Variants in XRRA1 observed in about 807,000 individuals in gnomAD.
The protein encoded by XRRA1 is X-ray radiation resistance associated 1.
XRRA1 carries 69 observed loss-of-function variants against 80.2 expected under a neutral mutation model. That is an observed-to-expected ratio of 0.86 (90% confidence interval 0.71 to 1.05). The LOEUF (loss-of-function observed/expected upper bound fraction) is 1.05. XRRA1 is among the 50% of genes least tolerant of loss of function. XRRA1 has a pLI of 0.00. For synonymous variants in XRRA1, 348 were observed against 389.9 expected (o/e 0.89, Z 1.27); for missense variants, 967 against 976.4 (o/e 0.99, Z 0.13).
chr11:74,928,919 C>A (rs1190438091), intron 6 of XRRA1, among the ~76,000 whole-genome samples: 1 of 152,136 alleles, frequency 6.6e-6, no homozygotes, highest in Non-Finnish European at 1.5e-5. Flanking sequence ...ATCTCCCTAC[C>A]AATGCTGGCT....
At chr11:74,922,143 G>A (rs1302620570) in intron 7 of XRRA1, among the ~76,000 whole-genome samples, 1 of 151,052 alleles carries the variant, frequency 6.6e-6, no homozygotes, top group African/African-American at 2.4e-5. Flanking sequence ...TGTAGTGCCA[G>A]CTACTCAGGA....
intron 10 of XRRA1, chr11:74,876,801 A>G (rs1050821021): frequency 1.9e-4 from 29 of 152,228 alleles, no homozygotes; most frequent in African/African-American, 7.0e-4. Context: ...AGTAAGGGCT[A>G]TTCATCCTAC....
chr11:74,868,741 A>T (rs545474952), intron 10 of XRRA1, among the ~76,000 whole-genome samples: 6 of 146,000 alleles, frequency 4.1e-5, no homozygotes, highest in South Asian at 4.3e-4. Context: ...AACAAAGATT[A>T]AAAAAAAAAA....
At chr11:74,864,889 G>A (rs1053062359) in intron 10 of XRRA1, among the ~76,000 whole-genome samples, 1 of 152,224 alleles carries the variant, frequency 6.6e-6, no homozygotes, top group Non-Finnish European at 1.5e-5. Context: ...AGGGGACCCA[G>A]TTTGAGACCT....
At chr11:74,857,889 G>A (rs956193615) in intron 12 of XRRA1, among the ~76,000 whole-genome samples, 1 of 152,208 alleles carries the variant, frequency 6.6e-6, no homozygotes, top group African/African-American at 2.4e-5. Context: ...AGGAAAAAGT[G>A]AAAATATTTT....
intron 4 of XRRA1, 51 bp downstream of exon 4, chr11:74,936,833 C>T: frequency 6.4e-7 from 1 of 1,555,522 alleles, no homozygotes; most frequent in Non-Finnish European, 8.7e-7. Flanking sequence ...TCCCCACTTC[C>T]TCCCCACCCT....
At chr11:74,892,685 C>T (rs1371132249) in intron 10 of XRRA1, among the ~76,000 whole-genome samples, 1 of 152,118 alleles carries the variant, frequency 6.6e-6, no homozygotes, top group Non-Finnish European at 1.5e-5. Context: ...CCAGAATCTA[C>T]AATGAACTCA....
At chr11:74,864,756 C>A (rs2043032243) in intron 10 of XRRA1, among the ~76,000 whole-genome samples, 1 of 152,214 alleles carries the variant, frequency 6.6e-6, no homozygotes, top group Admixed American at 6.5e-5. Flanking sequence ...CTGATCCACC[C>A]CCTCTCAGCT....
intron 8 of XRRA1, among the ~76,000 whole-genome samples, chr11:74,911,593 G>T (rs1210509509): frequency 6.6e-6 from 1 of 152,096 alleles, no homozygotes; most frequent in Non-Finnish European, 1.5e-5. Flanking sequence ...CTTTTGTAGA[G>T]ATGGGGTCTT....
chr11:74,864,534 T>C (rs142263841), intron 10 of XRRA1, among the ~76,000 whole-genome samples: 25 of 152,312 alleles, frequency 1.6e-4, no homozygotes, highest in African/African-American at 5.8e-4. Context: ...AACACCCAAG[T>C]GGCTGATCCA....
chr11:74,843,151 G>T lies in XRRA1; in HGVS notation c.*49C>A. ...CGGTCCAGGGCACAGAGCCCTCGGG[G>T]AGAGCTGGGGCACAGGCCGGGTGGT... On this transcript the variant is annotated 3_prime_UTR_variant, in exon 19 of 19. Coordinates refer to ENST00000684022, the MANE Select transcript of XRRA1 (RefSeq NM_001378157.1). 4 of 1,513,908 alleles carry T rather than the reference G, an allele frequency of 2.6e-6. No individual in the cohort carries two copies. The highest frequency in any genetic ancestry group is 4.0e-5 in the Admixed American group (2 of 49,716). 93.8% of individuals were successfully genotyped at this position (1,513,908 alleles called of 1,614,324 possible).
At chr11:74,918,266 T>C (rs997543732) in intron 8 of XRRA1, among the ~76,000 whole-genome samples, 8 of 151,826 alleles carry the variant, frequency 5.3e-5, no homozygotes, top group African/African-American at 1.7e-4. Flanking sequence ...GTAGCAACTA[T>C]GCATATTTTC....
At chr11:74,877,107 A>C (rs1293315382) in intron 10 of XRRA1, 2 of 152,356 alleles carry the variant, frequency 1.3e-5, no homozygotes, top group Non-Finnish European at 1.5e-5. Context: ...GGAATATTCT[A>C]ATTGCTGTAA....
At chr11:74,945,764 C>T (rs1947377121) in intron 1 of XRRA1, among the ~76,000 whole-genome samples, 1 of 151,968 alleles carries the variant, frequency 6.6e-6, no homozygotes, top group African/African-American at 2.4e-5. Flanking sequence ...CTGACTGTAG[C>T]GCTTCCTCCA....
At chr11:74,865,187 G>A (rs1298690914) in intron 10 of XRRA1, among the ~76,000 whole-genome samples, 5 of 151,750 alleles carry the variant, frequency 3.3e-5, no homozygotes, top group Non-Finnish European at 7.4e-5. Context: ...GCTGCAATCA[G>A]GTTACTATCT....
At chr11:74,862,876 T>C in intron 11 of XRRA1, 105 bp downstream of exon 11, 1 of 1,028,980 alleles carries the variant, frequency 9.7e-7, no homozygotes, top group Non-Finnish European at 1.4e-6. Flanking sequence ...TTCCTCAGTG[T>C]GATCTATAGA....
At position 74,842,314 on chromosome 11, in the gene XRRA1, GTTAT is replaced by G. The variant is rs771993336; in HGVS notation, c.*882_*885del. ...ATGGAATCAAGTGGGCTGATGTGTT[GTTAT>G]TTAAACAGTACCAAAGTGCATTCTT... On this transcript the variant is annotated 3_prime_UTR_variant, in exon 19 of 19. Coordinates refer to ENST00000684022, the MANE Select transcript of XRRA1 (RefSeq NM_001378157.1). The G allele has an allele frequency of 5.3e-5, 8 of 152,214 alleles. No individual in the cohort carries two copies. Among genetic ancestry groups the G allele is most frequent in the Non-Finnish European group, 7.3e-5 (5 of 68,034 alleles). 9.4% of individuals were successfully genotyped at this position (152,214 alleles called of 1,614,324 possible).
rs949649777 is a variant in XRRA1, at chr11:74,842,459, A to T, written c.*741T>A. 4 of 152,262 alleles carry T rather than the reference A, an allele frequency of 2.6e-5. No homozygotes were observed. The highest frequency in any genetic ancestry group is 2.0e-4 in the Admixed American group (3 of 15,284). 9.4% of individuals were successfully genotyped at this position (152,262 alleles called of 1,614,324 possible). ...TCTTGTCTCTGGTGAACAATCTCAG[A>T]CAAAAACATGGGTTAAGCTTAGGCT... On this transcript the variant is annotated 3_prime_UTR_variant, in exon 19 of 19. Transcript: ENST00000684022.
chr11:74,843,147 CGGGGAGAGCT>C lies in XRRA1; in HGVS notation c.*43_*52del, dbSNP rs968166709. ...GGTGCGGTCCAGGGCACAGAGCCCT[CGGGGAGAGCT>C]GGGGCACAGGCCGGGTGGTGCACAC... On this transcript the variant is annotated 3_prime_UTR_variant, in exon 19 of 19. Transcript: ENST00000684022. 2 of 1,508,532 alleles carry C rather than the reference CGGGGAGAGCT, an allele frequency of 1.3e-6. No homozygotes were observed. Among genetic ancestry groups the C allele is most frequent in the African/African-American group, 2.8e-5 (2 of 72,660 alleles). The allele number at this position is 1,508,532 out of a possible 1,614,324, so 93.4% of individuals were successfully genotyped here.
Sources: allele counts gnomAD v4.1 joint callset (sites outside exome capture counted in the v4.1 genomes callset), GRCh38; gene constraint gnomAD v4.1.1; transcripts MANE v1.5; gene names NCBI Gene and HGNC (gene_info 2026-07-23, HGNC 2026-07-21).